EZR: variants seen among roughly 807,000 people sequenced by gnomAD.
EZR encodes the protein ezrin, also known as cytovillin 2.
In EZR, 40 loss-of-function variants were observed where a neutral mutation model predicts 74.8. The ratio of observed to expected loss-of-function variants is 0.53; its 90% confidence interval spans 0.42 to 0.70. The LOEUF (loss-of-function observed/expected upper bound fraction) is 0.70. Among genes scored for constraint, EZR ranks in the 30% least tolerant of loss-of-function variants. EZR has a pLI of 0.00. For synonymous variants in EZR, 341 were observed against 283.3 expected, an observed-to-expected ratio of 1.20 and a Z score of -2.05; for missense variants, 678 against 755.8, an observed-to-expected ratio of 0.90 and a Z score of 1.21.
chr6:158,785,223 T>G (rs1791542774), intron 5 of EZR, 86 bp downstream of exon 5: 1 of 1,543,506 alleles, frequency 6.5e-7, no homozygotes, highest in South Asian at 1.2e-5. Flanking sequence ...TCCTTGTGTT[T>G]TTAAACTGTG....
chr6:158,770,019 C>T (rs1274610519), intron 10 of EZR, 75 bp from the exon 11 acceptor site: 9 of 1,572,572 alleles, frequency 5.7e-6, no homozygotes, highest in Non-Finnish European at 7.7e-6. Context: ...CCATTCCCAC[C>T]CCCAAAGCCA....
intron 8 of EZR, among the ~76,000 whole-genome samples, chr6:158,772,439 C>T (rs117994844): frequency 0.033 from 4,957 of 152,334 alleles, 111 homozygotes; most frequent in Middle Eastern, 0.065. Flanking sequence ...CTGGCGTCCC[C>T]GCCTTATCGG....
intron 7 of EZR, among the ~76,000 whole-genome samples, chr6:158,782,990 C>T (rs1041506946): frequency 3.3e-5 from 5 of 152,116 alleles, no homozygotes; most frequent in Admixed American, 6.5e-5. Context: ...GCTTACAGGC[C>T]CTCACTCAAC....
At chr6:158,814,355 G>A (rs1423568581) in intron 2 of EZR, among the ~76,000 whole-genome samples, 6 of 149,166 alleles carry the variant, frequency 4.0e-5, no homozygotes, top group African/African-American at 1.5e-4. Flanking sequence ...CCCATCAGAT[G>A]ATTTTCCTTT....
rs1026673887 is a variant in EZR at position 158,819,335 on chromosome 6, C to G, written c.-92G>C. On this transcript the variant is annotated 5_prime_UTR_variant, in exon 1 of 14. Transcript: ENST00000367075. Reference sequence around the variant, plus strand: ...GCCTCACCCGGCGCCTGCAGTGCTCCGTGTGCTCCCCGCCGCCCTTGCGTC... The same window carrying G: ...GCCTCACCCGGCGCCTGCAGTGCTCGGTGTGCTCCCCGCCGCCCTTGCGTC... 1 of 152,808 alleles carries G rather than the reference C, an allele frequency of 6.5e-6. No homozygotes were observed. Among genetic ancestry groups the G allele is most frequent in the Admixed American group, 6.5e-5 (1 of 15,280 alleles). The allele number at this position is 152,808 out of a possible 1,614,324, so 9.5% of individuals were successfully genotyped here.
intron 2 of EZR, chr6:158,789,682 C>T (rs1048964285): frequency 7.2e-5 from 35 of 484,794 alleles, no homozygotes; most frequent in African/African-American, 2.3e-4. Flanking sequence ...TGCAGTGGCA[C>T]GATCACAGCT....
At chr6:158,774,393 T>C (rs1348850775) in intron 8 of EZR, among the ~76,000 whole-genome samples, 2 of 152,100 alleles carry the variant, frequency 1.3e-5, no homozygotes, top group Non-Finnish European at 2.9e-5. Flanking sequence ...TACTGTTAAA[T>C]TTACTACCAG....
chr6:158,775,267 C>T (rs144955854), intron 8 of EZR, among the ~76,000 whole-genome samples: 1,733 of 152,144 alleles, frequency 0.011, 37 homozygotes, highest in African/African-American at 0.04. Context: ...CTCCTGACCT[C>T]GTGATTCGGC....
chr6:158,770,952 T>C, intron 9 of EZR, 58 bp from the exon 10 acceptor site: 1 of 1,609,948 alleles, frequency 6.2e-7, no homozygotes, highest in Non-Finnish European at 8.5e-7. Context: ...AAGTGAGGGG[T>C]CAACACACTT....
chr6:158,773,126 C>T (rs893172792), intron 8 of EZR, among the ~76,000 whole-genome samples: 1 of 152,196 alleles, frequency 6.6e-6, no homozygotes, highest in Non-Finnish European at 1.5e-5. Flanking sequence ...TTGGAGGACT[C>T]TACCAAATAG....
At chr6:158,780,001 A>C (rs1791387345) in intron 7 of EZR, among the ~76,000 whole-genome samples, 1 of 152,010 alleles carries the variant, frequency 6.6e-6, no homozygotes, top group Admixed American at 6.6e-5. Context: ...TGGCCAACAC[A>C]GTGAAACCCC....
rs375088527 is a variant in EZR at position 158,789,498 on chromosome 6, T to C, written c.13-127A>G. Reference sequence around the variant, plus strand: ...ATATGCCTGACATCAGTTCCTGTGCTAGTCAGGAAGCCACACACCACTCCT... The same window carrying C: ...ATATGCCTGACATCAGTTCCTGTGCCAGTCAGGAAGCCACACACCACTCCT... On this transcript the variant is annotated intron_variant, in intron 2 of 13. Coordinates refer to ENST00000367075, the MANE Select transcript of EZR (RefSeq NM_001111077.2). 4 of 871,918 alleles carry C rather than the reference T, an allele frequency of 4.6e-6. No individual in the cohort carries two copies. The African/African-American group carries it at 4.9e-5, about 11-fold the overall frequency. 54.0% of individuals were successfully genotyped at this position (871,918 alleles called of 1,614,324 possible). A position where few individuals can be genotyped will look rare whatever the true frequency, so the allele number is the denominator to read the frequency against.
chr6:158,805,322 G>A lies in EZR; in HGVS notation c.12+12760C>T, dbSNP rs544301710. ...CCACTGCACTCCCAGCCTGGTGACA[G>A]AGACTCCATCTCAGGAAAAAAAAAA... On this transcript the variant is annotated intron_variant, in intron 2 of 13. Transcript: ENST00000367075. 2.7e-4 allele frequency among the ~76,000 whole-genome samples: 33 copies of A among 122,784 alleles called. 1 individual carries two copies. The East Asian group carries it at 4.2e-3, about 16-fold the overall frequency. The allele number at this position is 122,784 out of a possible 152,430, so 80.6% of individuals were successfully genotyped here.
intron 2 of EZR, among the ~76,000 whole-genome samples, chr6:158,811,526 G>A (rs944079245): frequency 2.0e-5 from 3 of 152,172 alleles, no homozygotes; most frequent in African/African-American, 7.2e-5. Flanking sequence ...AAATGATACT[G>A]TTTTCCTTTC....
At position 158,770,001 on chromosome 6, in the gene EZR, C is replaced by G. The variant is rs1791050240; in HGVS notation, c.1091-57G>C. The G allele has an allele frequency of 3.2e-6, 5 of 1,586,038 alleles. No homozygotes were observed. The Admixed American group carries it at 6.8e-5, about 22-fold the overall frequency. The stretch of plus-strand genomic sequence containing the variant: ...CCCTCAGCCCAGGGACCTAGGAGCC[C>G]TCGCTTTCCATTCCCACCCCCAAAG... On this transcript the variant is annotated intron_variant, in intron 10 of 13. Coordinates refer to ENST00000367075, the MANE Select transcript of EZR (RefSeq NM_001111077.2).
chr6:158,776,589 T>C (rs2128567784), intron 7 of EZR, 85 bp from the exon 8 acceptor site: 1 of 911,974 alleles, frequency 1.1e-6, no homozygotes, highest in East Asian at 2.5e-5. Flanking sequence ...TCAATTCTTA[T>C]TAGTTCAATT....
intron 3 of EZR, chr6:158,788,178 G>A (rs1227990313): frequency 1.3e-5 from 2 of 152,148 alleles, no homozygotes. Flanking sequence ...CAGGTATACA[G>A]AGCATTTGCT....
chr6:158,774,088 C>T (rs561515164), intron 8 of EZR, among the ~76,000 whole-genome samples: 55 of 152,210 alleles, frequency 3.6e-4, no homozygotes, highest in Non-Finnish European at 7.1e-4. Context: ...GAAGATGACC[C>T]GTGAAAGTCA....
chr6:158,813,424 T>C (rs1372880657), intron 2 of EZR, among the ~76,000 whole-genome samples: 1 of 152,242 alleles, frequency 6.6e-6, no homozygotes, highest in Admixed American at 6.5e-5. Context: ...GGACTGTGTC[T>C]GTGAACATCC....
Sources: allele counts gnomAD v4.1 joint callset (sites outside exome capture counted in the v4.1 genomes callset), GRCh38; gene constraint gnomAD v4.1.1; transcripts MANE v1.5; gene names NCBI Gene and HGNC (gene_info 2026-07-23, HGNC 2026-07-21).